CA10: variants seen among roughly 807,000 people sequenced by gnomAD.
CA10 encodes carbonic anhydrase 10 (inactive), also known as carbonic anhydrase-related protein 10.
Under a neutral mutation model 44.2 loss-of-function variants are expected in CA10, and 14 were observed. That is an observed-to-expected ratio of 0.32 (90% CI 0.21 to 0.50). The LOEUF is 0.50. Among genes scored for constraint, CA10 ranks in the 20% least tolerant of loss-of-function variants. CA10 has a pLI of 0.99. For missense variants in CA10, 350 were observed against 409.7 expected (o/e 0.85, Z 1.26); for synonymous variants, 159 against 141.6 (o/e 1.12, Z -0.87).
intron 2 of CA10, among the ~76,000 whole-genome samples, chr17:52,042,290 A>T (rs985349445): frequency 2.0e-5 from 3 of 152,108 alleles, no homozygotes; most frequent in Non-Finnish European, 2.9e-5. Flanking sequence ...TAGCCATCCT[A>T]ACAGGTATGA....
chr17:51,837,775 T>C (rs1369238027), intron 3 of CA10, among the ~76,000 whole-genome samples: 1 of 152,242 alleles, frequency 6.6e-6, no homozygotes, highest in Non-Finnish European at 1.5e-5. Flanking sequence ...AAGCTTTCCA[T>C]TATTTTTAAC....
intron 4 of CA10, among the ~76,000 whole-genome samples, chr17:51,714,421 G>A (rs79949001): frequency 0.087 from 13,291 of 152,176 alleles, 1,227 homozygotes; most frequent in African/African-American, 0.22. Context: ...ATTTAAGGCA[G>A]TGTATAAAAA....
At chr17:51,829,180 C>T (rs139029095) in intron 3 of CA10, among the ~76,000 whole-genome samples, 159 of 152,298 alleles carry the variant, frequency 1.0e-3, no homozygotes, top group African/African-American at 3.0e-3. Context: ...TACAGAAAAA[C>T]GTTTGCCAAT....
intron 2 of CA10, among the ~76,000 whole-genome samples, chr17:51,959,290 G>C (rs474713): frequency 0.39 from 42,775 of 110,802 alleles, 7,031 homozygotes; most frequent in Middle Eastern, 0.46. Context: ...CTCTGTGTGT[G>C]TGTGTGTGTG....
chr17:51,661,240 T>C (rs1475957057), intron 4 of CA10, among the ~76,000 whole-genome samples: 2 of 152,178 alleles, frequency 1.3e-5, no homozygotes, highest in East Asian at 1.9e-4. Context: ...AAATAAATAA[T>C]TGTTAATGAA....
In CA10 at chr17:51,922,607, G is replaced by A. The variant is rs755971282; in HGVS notation, c.279+8383C>T. ...AATATTATTTCTCATAAAATTCCCC[G>A]TGCTGCCACTTCGATATCTTTAGCT... On this transcript the variant is annotated intron_variant, in intron 3 of 8. Transcript: ENST00000451037. 1.7e-3 allele frequency among the ~76,000 whole-genome samples: 254 copies of A among 152,046 alleles called. 4 individuals are homozygous for A. Among genetic ancestry groups the A allele is most frequent in the Non-Finnish European group, 7.7e-4 (52 of 67,968 alleles).
At chr17:51,775,742 G>A (rs56376527) in intron 3 of CA10, among the ~76,000 whole-genome samples, 1 of 152,302 alleles carries the variant, frequency 6.6e-6, no homozygotes, top group Non-Finnish European at 1.5e-5. Context: ...GTCTTGTCTG[G>A]AAGTTGAAGG....
chr17:51,665,552 G>A (rs1914176234), intron 4 of CA10, among the ~76,000 whole-genome samples: 1 of 152,196 alleles, frequency 6.6e-6, no homozygotes, highest in African/African-American at 2.4e-5. Flanking sequence ...AAACCAGGAT[G>A]CATTCTGAGA....
chr17:51,636,253 A>G (rs117039407), intron 6 of CA10, among the ~76,000 whole-genome samples: 1,639 of 152,316 alleles, frequency 0.011, 11 homozygotes, highest in East Asian at 0.022. Flanking sequence ...GCTCACACAC[A>G]TGATCATTCC....
chr17:51,907,422 G>T (rs940397121), intron 3 of CA10, among the ~76,000 whole-genome samples: 2 of 151,860 alleles, frequency 1.3e-5, no homozygotes, highest in Non-Finnish European at 2.9e-5. Context: ...TTTTCATTCT[G>T]TTTTATTTAT....
At chr17:51,790,426 C>T (rs987967108) in intron 3 of CA10, among the ~76,000 whole-genome samples, 5 of 152,198 alleles carry the variant, frequency 3.3e-5, no homozygotes, top group African/African-American at 1.2e-4. Flanking sequence ...GGGATTATAC[C>T]TCTTGCATTT....
At chr17:51,989,791 C>A (rs967711952) in intron 2 of CA10, among the ~76,000 whole-genome samples, 1 of 152,108 alleles carries the variant, frequency 6.6e-6, no homozygotes, top group Non-Finnish European at 1.5e-5. Flanking sequence ...TTATATCCAG[C>A]CCAATCATTT....
intron 3 of CA10, among the ~76,000 whole-genome samples, chr17:51,873,480 A>G (rs551039403): frequency 1.3e-5 from 2 of 152,320 alleles, no homozygotes; most frequent in African/African-American, 4.8e-5. Flanking sequence ...GAGGCAAAAA[A>G]CTACATCTCC....
intron 3 of CA10, among the ~76,000 whole-genome samples, chr17:51,869,265 A>G (rs973208610): frequency 6.6e-6 from 1 of 152,172 alleles, no homozygotes; most frequent in African/African-American, 2.4e-5. Context: ...ATCCAATCAT[A>G]AACCATTTCA....
At chr17:51,651,908 A>G (rs1449556744) in intron 5 of CA10, among the ~76,000 whole-genome samples, 3 of 152,238 alleles carry the variant, frequency 2.0e-5, no homozygotes, top group African/African-American at 7.2e-5. Flanking sequence ...CTACGGCTTC[A>G]CAGTGAGTGC....
intron 2 of CA10, among the ~76,000 whole-genome samples, chr17:51,948,033 G>A (rs1983349728): frequency 6.6e-6 from 1 of 152,088 alleles, no homozygotes; most frequent in African/African-American, 2.4e-5. Flanking sequence ...TCTTCAACTT[G>A]CTAGTTGTTG....
Position 51,633,558 on chromosome 17 carries a change from G to C in CA10, c.882C>G (p.Asn294Lys). 6.2e-7 allele frequency: 1 copy of C among 1,614,058 alleles called. No homozygotes were observed. The highest frequency in any genetic ancestry group is 1.7e-5 in the Admixed American group (1 of 60,012). Reference protein sequence around the residue: ...DNFRPVQPLNNRCIRTNINFS... With the variant: ...DNFRPVQPLNKRCIRTNINFS... ...AGTTGATATTGGTGCGGATGCAGCG[G>C]TTGTTGAGTGGCTGGACAGGCCTGA... is the stretch of plus-strand genomic sequence containing the variant. The change falls in exon 8 of 9, where the codon AAC becomes AAG. Residue 294 changes from asparagine (N) to lysine (K), a missense_variant. Asn to Lys is a moderately conservative substitution (Grantham distance 94). Coordinates refer to ENST00000451037, the MANE Select transcript of CA10 (RefSeq NM_020178.5).
Position 52,137,731 on chromosome 17 carries a change from T to A in CA10, c.61+19995A>T, listed in dbSNP as rs528678357. 3.0e-3 allele frequency among the ~76,000 whole-genome samples: 463 copies of A among 152,330 alleles called. 4 individuals carry two copies. The highest frequency in any genetic ancestry group is 0.01 in the African/African-American group (430 of 41,584). On this transcript the variant is annotated intron_variant, in intron 1 of 8. Coordinates refer to ENST00000451037, the MANE Select transcript of CA10 (RefSeq NM_020178.5). ...ATAAATGGAACATTTGTTGAATAAA[T>A]CACGGGGTGAATAAAGTGGGTGAAC...
chr17:52,136,771 T>C (rs980191593), intron 1 of CA10, among the ~76,000 whole-genome samples: 3 of 152,222 alleles, frequency 2.0e-5, no homozygotes, highest in African/African-American at 7.2e-5. Flanking sequence ...ATTCACACTG[T>C]TATGGATGGA....
Sources: allele counts gnomAD v4.1 joint callset (sites outside exome capture counted in the v4.1 genomes callset), GRCh38; gene constraint gnomAD v4.1.1; transcripts MANE v1.5; gene names NCBI Gene and HGNC (gene_info 2026-07-23, HGNC 2026-07-21).